The following TRIM31 variants were observed in gnomAD, a reference collection of about 807,000 sequenced individuals.
TRIM31 encodes the protein E3 ubiquitin-protein ligase TRIM31.
A neutral mutation model predicts 40.6 loss-of-function variants in TRIM31; 31 were observed. The ratio of observed to expected loss-of-function variants is 0.76; its 90% CI spans 0.57 to 1.03. TRIM31 has a LOEUF of 1.03. Ranked by LOEUF, TRIM31 falls within the 50% of genes least tolerant of loss-of-function variation. The pLI, the probability that TRIM31 is intolerant of heterozygous loss-of-function variation, is 0.00. For synonymous variants in TRIM31, 164 were observed against 193.9 expected (o/e 0.85, Z 1.28); for missense variants, 455 against 497.5 (o/e 0.91, Z 0.81).
chr6:30,112,271 C>G, intron 2 of TRIM31, 118 bp downstream of exon 2: 2 of 1,253,874 alleles, frequency 1.6e-6, no homozygotes, highest in Non-Finnish European at 2.2e-6. Flanking sequence ...GCTGCCCACT[C>G]AAGCCCAAGG....
intron 6 of TRIM31, 54 bp from the exon 7 acceptor site, chr6:30,105,296 G>T: frequency 2.2e-6 from 3 of 1,393,674 alleles, no homozygotes; most frequent in Middle Eastern, 1.8e-4. Context: ...GTTGAGCAAA[G>T]AACTCACTAT....
chr6:30,104,222 TAAAAAC>T, intron 7 of TRIM31, 55 bp from the exon 8 acceptor site: 3 of 1,578,656 alleles, frequency 1.9e-6, no homozygotes, highest in Non-Finnish European at 1.7e-6. Context: ...AGCTGCAAAT[TAAAAAC>T]AAAAACAAGC....
intron 5 of TRIM31, 24 bp downstream of exon 5, chr6:30,109,002 T>C: frequency 1.2e-6 from 2 of 1,612,516 alleles, no homozygotes; most frequent in Non-Finnish European, 1.7e-6. Flanking sequence ...GTAGGCAAAA[T>C]ACATTTGGGG....
chr6:30,112,663 CATG>C lies in TRIM31; in HGVS notation c.140_142del (p.Ser47del). On this transcript the variant is annotated inframe_deletion, in exon 2 of 9. Coordinates refer to ENST00000376734, the MANE Select transcript of TRIM31 (RefSeq NM_007028.5). Reference sequence around the variant, plus strand: ...GCAGAGGGGACATTTGAAAAATCCACATGATGTTTCCCCAATCTGAGTGATGCA... The same window carrying C: ...GCAGAGGGGACATTTGAAAAATCCACATGTTTCCCCAATCTGAGTGATGCA... The C allele has an allele frequency of 6.2e-7, 1 of 1,613,144 alleles. No homozygotes were observed. Among genetic ancestry groups the C allele is most frequent in the Non-Finnish European group, 8.5e-7 (1 of 1,180,052 alleles).
At chr6:30,110,183 GACTA>G (rs201788737) in intron 4 of TRIM31, among the ~76,000 whole-genome samples, 1,571 of 152,188 alleles carry the variant, frequency 0.01, 24 homozygotes, top group African/African-American at 0.032. Context: ...ATTTTAATGT[GACTA>G]ACTAGAAAAA....
rs1043402778 is a variant in TRIM31 at position 30,111,877 on chromosome 6, C to G, written c.418-134G>C. 8 of 803,250 alleles carry G rather than the reference C, an allele frequency of 1.0e-5. No homozygotes were observed. In the Admixed American group the frequency reaches 1.2e-4, roughly 12 times the overall value. The allele number at this position is 803,250 out of a possible 1,614,324, so 49.8% of individuals were successfully genotyped here. A position where few individuals can be genotyped will look rare whatever the true frequency, so the allele number is the denominator to read the frequency against. On this transcript the variant is annotated intron_variant, in intron 2 of 8. Transcript: ENST00000376734. ...GTAATTATTAAGGACTCGCCTTTCT[C>G]AAGCTGGCGGGGAAAGGGGTTGCTG... is the stretch of plus-strand genomic sequence containing the variant.
At chr6:30,110,351 TG>T in intron 4 of TRIM31, 96 bp downstream of exon 4, 1 of 1,183,498 alleles carries the variant, frequency 8.4e-7, no homozygotes. Context: ...GTAGGATGGT[TG>T]GGGCAATCTC....
Position 30,110,689 on chromosome 6 carries a change from G to C in TRIM31, c.514-11C>G, listed in dbSNP as rs748129123. On this transcript the variant is annotated splice_polypyrimidine_tract_variant and intron_variant, in intron 3 of 8. Coordinates refer to ENST00000376734, the MANE Select transcript of TRIM31 (RefSeq NM_007028.5). ...ATGTTCTACCTGGTCCTAAGAAACAGGGACAGGCAGAGGGTGAGAGGATGG... is the reference window on the plus strand; with the variant it reads ...ATGTTCTACCTGGTCCTAAGAAACACGGACAGGCAGAGGGTGAGAGGATGG... 2 of 1,613,572 alleles carry C rather than the reference G, an allele frequency of 1.2e-6. No homozygotes were observed. Among genetic ancestry groups the C allele is most frequent in the South Asian group, 2.2e-5 (2 of 91,070 alleles).
chr6:30,106,487 A>T lies in TRIM31; in HGVS notation c.884-1245T>A, dbSNP rs529759410. ...TCATAATAAGAACTGTGGAGATTGG[A>T]CCTGTGGTATAAGTAGACTCCCTAC... On this transcript the variant is annotated intron_variant, in intron 6 of 8. Coordinates refer to ENST00000376734, the MANE Select transcript of TRIM31 (RefSeq NM_007028.5). 3.3e-5 allele frequency among the ~76,000 whole-genome samples: 5 copies of T among 152,220 alleles called. No individual in the cohort carries two copies. In the South Asian group the frequency reaches 1.0e-3, roughly 32 times the overall value.
At chr6:30,104,063 A>T in intron 8 of TRIM31, 39 bp downstream of exon 8, 1 of 1,603,566 alleles carries the variant, frequency 6.2e-7, no homozygotes. Flanking sequence ...CCACCTGTAG[A>T]CTTAGAGGTC....
intron 6 of TRIM31, among the ~76,000 whole-genome samples, chr6:30,106,017 G>T (rs762790024): frequency 6.6e-6 from 1 of 152,240 alleles, no homozygotes; most frequent in Non-Finnish European, 1.5e-5. Context: ...TCATCTCCCA[G>T]TTCACCCCTG....
In TRIM31 at chr6:30,110,531, T is replaced by A; in HGVS notation, c.661A>T (p.Thr221Ser). 1 of 1,614,166 alleles carries A rather than the reference T, an allele frequency of 6.2e-7. No homozygotes were observed. Among genetic ancestry groups the A allele is most frequent in the Admixed American group, 1.7e-5 (1 of 60,014 alleles). ...TEAGKHYVAS[T>S]EPQLNDLKKL... ...TTGAGATCGTTCAACTGTGGCTCAG[T>A]GGAGGCAACATAGTGTTTCCCCGCT... Residue 221 changes from threonine (T) to serine (S), a missense_variant, in exon 4 of 9, where the codon ACT (threonine) becomes TCT (serine). Transcript: ENST00000376734.
intron 7 of TRIM31, 25 bp from the exon 8 acceptor site, chr6:30,104,192 A>G: frequency 1.9e-6 from 3 of 1,611,444 alleles, no homozygotes; most frequent in Non-Finnish European, 1.7e-6. Flanking sequence ...GAGAAAACCT[A>G]TTTGGTCTTG....
chr6:30,111,523 G>T, intron 3 of TRIM31, 125 bp downstream of exon 3: 1 of 950,896 alleles, frequency 1.1e-6, no homozygotes, highest in Non-Finnish European at 1.6e-6. Flanking sequence ...GTCAGGTGCT[G>T]AGGCGCCGAG....
At chr6:30,109,706 C>T (rs1292606834) in intron 4 of TRIM31, among the ~76,000 whole-genome samples, 2 of 152,074 alleles carry the variant, frequency 1.3e-5, no homozygotes. Context: ...CATGGTAAAA[C>T]CCCGTGTCTG....
intron 5 of TRIM31, 106 bp downstream of exon 5, chr6:30,108,920 G>C (rs1769016933): frequency 8.5e-7 from 1 of 1,172,068 alleles, no homozygotes; most frequent in Admixed American, 1.7e-5. Flanking sequence ...AGTTAGAGGT[G>C]GGTGGGTATT....
rs1234818726 is a variant in TRIM31 at position 30,111,839 on chromosome 6, G to A, written c.418-96C>T. On this transcript the variant is annotated intron_variant, in intron 2 of 8. Coordinates refer to ENST00000376734, the MANE Select transcript of TRIM31 (RefSeq NM_007028.5). ...TTAGGAGAGCTGGTGACACTCTCCA[G>A]GTGAGTCCTTGTGTAATTATTAAGG... is the stretch of plus-strand genomic sequence containing the variant. The A allele has an allele frequency of 6.2e-6, 7 of 1,123,702 alleles. No homozygotes were observed. The Admixed American group carries it at 1.3e-4, about 21-fold the overall frequency. The allele number at this position is 1,123,702 out of a possible 1,614,324, so 69.6% of individuals were successfully genotyped here. A position where few individuals can be genotyped will look rare whatever the true frequency, so the allele number is the denominator to read the frequency against.
chr6:30,112,062 A>T, intron 2 of TRIM31: 1 of 547,142 alleles, frequency 1.8e-6, no homozygotes, highest in Non-Finnish European at 3.2e-6. Context: ...TGTTTTTGCC[A>T]TTTGAAAGGT....
Position 30,108,122 on chromosome 6 carries a change from G to T in TRIM31, c.814C>A (p.Leu272Met). 6.2e-7 allele frequency: 1 copy of T among 1,612,030 alleles called. No individual in the cohort carries two copies. The highest frequency in any genetic ancestry group is 8.5e-7 in the Non-Finnish European group (1 of 1,179,226). Reference protein sequence around the residue: ...FLNPTPVPLELEKKLSEAKSR... With the variant: ...FLNPTPVPLEMEKKLSEAKSR... ...TTTGCTTCACTGAGTTTTTTCTCCA[G>T]TTCCAGAGGAACAGGGGTTGGGTTG... Residue 272 changes from leucine to methionine, a missense_variant, in exon 6 of 9, where the codon CTG becomes ATG. Coordinates refer to ENST00000376734, the MANE Select transcript of TRIM31 (RefSeq NM_007028.5).
Sources: allele counts gnomAD v4.1 joint callset (sites outside exome capture counted in the v4.1 genomes callset), GRCh38; gene constraint gnomAD v4.1.1; transcripts MANE v1.5; gene names NCBI Gene and HGNC (gene_info 2026-07-23, HGNC 2026-07-21).